Variants in PTCHD4 observed in about 807,000 individuals in gnomAD.
PTCHD4 encodes the protein patched domain-containing protein 4.
In PTCHD4, 33 loss-of-function variants were observed where a neutral mutation model predicts 58.1. The observed-to-expected ratio is 0.57, with a 90% CI of 0.43 to 0.76. PTCHD4 has a LOEUF of 0.76. Ranked by LOEUF, PTCHD4 falls within the 30% of genes least tolerant of loss-of-function variation. The probability of loss-of-function intolerance (pLI) is 0.00; values close to 1 mark genes in which losing one functional copy is unlikely to be tolerated. For synonymous variants in PTCHD4, 478 were observed against 409.6 expected (o/e 1.17, Z -2.02); for missense variants, 1,058 against 1,027.1 (o/e 1.03, Z -0.41).
chr6:48,061,740 G>A (rs1044585170), intron 3 of PTCHD4, among the ~76,000 whole-genome samples: 16 of 152,156 alleles, frequency 1.1e-4, no homozygotes, highest in African/African-American at 3.4e-4. Context: ...ATGCAATTTG[G>A]CATGCTTTTA....
intron 4 of PTCHD4, among the ~76,000 whole-genome samples, chr6:47,912,885 G>A (rs543970596): frequency 5.4e-4 from 82 of 152,154 alleles, no homozygotes; most frequent in Middle Eastern, 3.4e-3. Context: ...CTCTTCCTCC[G>A]AATAATCTTT....
In PTCHD4 at chr6:48,068,850, G is replaced by A. The variant is rs1384082086; in HGVS notation, c.5+103C>T. Reference sequence around the variant, plus strand: ...CACTGCAGCAAGTTGCAGCAAGGCGGGCAAATACCGACAGCGCGCGTGGGG... The same window carrying A: ...CACTGCAGCAAGTTGCAGCAAGGCGAGCAAATACCGACAGCGCGCGTGGGG... On this transcript the variant is annotated intron_variant, in intron 2 of 4. Transcript: ENST00000339488. This position sits in a 1 kb window ranked among gnomAD's most constrained non-coding sequence, Gnocchi z 4.2. 6.6e-6 allele frequency among the ~76,000 whole-genome samples: 1 copy of A among 151,806 alleles called. No homozygotes were observed. Among genetic ancestry groups the A allele is most frequent in the Non-Finnish European group, 1.5e-5 (1 of 67,930 alleles).
chr6:47,897,972 A>G, intron 4 of PTCHD4, among the ~76,000 whole-genome samples: 1 of 102,802 alleles, frequency 9.7e-6, no homozygotes, highest in African/African-American at 3.8e-5. Flanking sequence ...TTTGAGACAG[A>G]GTCGCTTTGT....
At chr6:48,036,243 A>G (rs536969420) in intron 3 of PTCHD4, among the ~76,000 whole-genome samples, 1 of 152,092 alleles carries the variant, frequency 6.6e-6, no homozygotes, top group Non-Finnish European at 1.5e-5. Context: ...TTGCAAAGAC[A>G]AAGAGTTGAT....
intron 4 of PTCHD4, among the ~76,000 whole-genome samples, chr6:48,004,723 C>T (rs997842776): frequency 7.9e-5 from 12 of 152,082 alleles, no homozygotes; most frequent in African/African-American, 2.9e-4. Flanking sequence ...TTGAGACCAG[C>T]CTGGCCAACA....
At chr6:47,920,929 G>GTCATTA (rs1765411889) in intron 4 of PTCHD4, among the ~76,000 whole-genome samples, 1 of 152,088 alleles carries the variant, frequency 6.6e-6, no homozygotes, top group Non-Finnish European at 1.5e-5. Flanking sequence ...GAAAGAGGAA[G>GTCATTA]GAAGAAAAGG....
At position 48,002,968 on chromosome 6, in the gene PTCHD4, C is replaced by A. The variant is rs536137381; in HGVS notation, c.898+5666G>T. Among the ~76,000 whole-genome samples, 15 of 152,132 alleles carry A rather than the reference C, an allele frequency of 9.9e-5. 1 individual carries two copies. The East Asian group carries it at 2.9e-3, about 29-fold the overall frequency. ...GTTTCTTAGCCGCTTTTGGAACAAT[C>A]ACTCTCTTGTTCCTTCATAAAACAC... is the stretch of plus-strand genomic sequence containing the variant. On this transcript the variant is annotated intron_variant, in intron 4 of 4. Coordinates refer to ENST00000339488, the MANE Select transcript of PTCHD4 (RefSeq NM_001384253.1).
At position 48,019,747 on chromosome 6, in the gene PTCHD4, A is replaced by T. The variant is rs530495080; in HGVS notation, c.418-10633T>A. ...CGAGACTCCGTCTCAAAAAAAAAAAAAATAATAATATATGTACTGTGGCAG... is the reference window on the plus strand; with the variant it reads ...CGAGACTCCGTCTCAAAAAAAAAAATAATAATAATATATGTACTGTGGCAG... On this transcript the variant is annotated intron_variant, in intron 3 of 4. Transcript: ENST00000339488. Among the ~76,000 whole-genome samples, 122 of 151,190 alleles carry T rather than the reference A, an allele frequency of 8.1e-4. 2 individuals carry two copies. The highest frequency in any genetic ancestry group is 6.6e-3 in the South Asian group (31 of 4,710).
intron 4 of PTCHD4, among the ~76,000 whole-genome samples, chr6:47,886,995 A>ACTC (rs1287014207): frequency 1.3e-5 from 2 of 151,882 alleles, no homozygotes; most frequent in Non-Finnish European, 2.9e-5. Flanking sequence ...CAGTCCAGAA[A>ACTC]CTCTTCACTG....
chr6:48,072,403 T>C (rs764588434), intron 1 of PTCHD4, among the ~76,000 whole-genome samples: 1 of 152,226 alleles, frequency 6.6e-6, no homozygotes, highest in Non-Finnish European at 1.5e-5. Flanking sequence ...AGTTGCCTCC[T>C]GTGTCTCTGT....
chr6:47,920,411 T>A (rs894474302), intron 4 of PTCHD4, among the ~76,000 whole-genome samples: 11 of 152,284 alleles, frequency 7.2e-5, no homozygotes, highest in African/African-American at 2.6e-4. Context: ...TTAGCAAGTA[T>A]ATGCAGAGTG....
intron 1 of PTCHD4, among the ~76,000 whole-genome samples, chr6:48,074,577 T>C (rs1582114282): frequency 6.6e-6 from 1 of 152,246 alleles, no homozygotes; most frequent in African/African-American, 2.4e-5. Context: ...ATGTGGTAAT[T>C]GGCTGAAGCC....
chr6:47,988,022 C>T (rs181137989), intron 4 of PTCHD4, among the ~76,000 whole-genome samples: 2 of 152,248 alleles, frequency 1.3e-5, no homozygotes, highest in East Asian at 3.9e-4. Flanking sequence ...GGTGATCTGC[C>T]CGCCTTGGCC....
intron 4 of PTCHD4, among the ~76,000 whole-genome samples, chr6:47,893,893 T>G (rs778767095): frequency 6.6e-6 from 1 of 152,280 alleles, no homozygotes; most frequent in African/African-American, 2.4e-5. Flanking sequence ...AACAAAGGGT[T>G]TAGTTAATTG....
At chr6:48,029,965 A>T (rs1166736086) in intron 3 of PTCHD4, among the ~76,000 whole-genome samples, 3 of 152,064 alleles carry the variant, frequency 2.0e-5, no homozygotes, top group Non-Finnish European at 4.4e-5. Flanking sequence ...AGGCCCAGGA[A>T]AGTCAGAACA....
At chr6:48,010,971 C>A (rs1044858926) in intron 3 of PTCHD4, among the ~76,000 whole-genome samples, 1 of 152,150 alleles carries the variant, frequency 6.6e-6, no homozygotes, top group Non-Finnish European at 1.5e-5. Context: ...CTTTATCCAA[C>A]CTATTATGGA....
chr6:48,099,434 G>T (rs1462952346), intron 1 of PTCHD4, among the ~76,000 whole-genome samples: 1 of 152,284 alleles, frequency 6.6e-6, no homozygotes, highest in Admixed American at 6.5e-5. Flanking sequence ...CTGGGTACAG[G>T]ATATTAATTC....
chr6:47,960,782 T>G (rs956006098), intron 4 of PTCHD4, among the ~76,000 whole-genome samples: 3 of 151,886 alleles, frequency 2.0e-5, no homozygotes, highest in African/African-American at 7.2e-5. Context: ...ATAACAGAGC[T>G]TCAAAATATA....
At chr6:48,063,528 G>A (rs537462312) in intron 3 of PTCHD4, among the ~76,000 whole-genome samples, 6 of 152,270 alleles carry the variant, frequency 3.9e-5, no homozygotes, top group African/African-American at 9.6e-5. Flanking sequence ...TTCAGTACCC[G>A]ACAGAACTGG....
Sources: gnomAD v4.1 joint callset for allele counts (sites outside exome capture counted in the v4.1 genomes callset) on GRCh38, gnomAD v4.1.1 for gene constraint, Gnocchi (gnomAD v3.1) non-coding constraint, MANE v1.5 for transcripts, NCBI Gene and HGNC (gene_info 2026-07-23, HGNC 2026-07-21) for gene names.